Variants in DHX16 observed in about 807,000 individuals in gnomAD.
The protein encoded by DHX16 is pre-mRNA-splicing factor ATP-dependent RNA helicase DHX16.
In DHX16, 81 loss-of-function variants were observed where a neutral mutation model predicts 131.2. The observed-to-expected ratio is 0.62, with a 90% CI of 0.52 to 0.74. The LOEUF is 0.74. DHX16 is among the 30% of genes least tolerant of loss of function. The probability of loss-of-function intolerance (pLI) is 0.00; values close to 1 mark genes in which losing one functional copy is unlikely to be tolerated. For missense variants in DHX16, 980 were observed against 1,363.1 expected, an observed-to-expected ratio of 0.72 and a Z score of 4.43; for synonymous variants, 440 against 520.2, an observed-to-expected ratio of 0.85 and a Z score of 2.10.
At chr6:30,661,982 A>T (rs1246163279) in intron 9 of DHX16, 4 of 669,364 alleles carry the variant, frequency 6.0e-6, no homozygotes, top group Non-Finnish European at 1.1e-5. Flanking sequence ...CATATTGTTC[A>T]GCTGGCCTGA....
intron 4 of DHX16, among the ~76,000 whole-genome samples, chr6:30,667,954 C>G (rs537906964): frequency 6.6e-6 from 1 of 152,280 alleles, no homozygotes; most frequent in African/African-American, 2.4e-5. Context: ...AACTTAACAT[C>G]TAAGACCCAA....
chr6:30,659,789 G>A lies in DHX16; in HGVS notation c.1801C>T (p.Gln601Ter). The A allele has an allele frequency of 6.2e-7, 1 of 1,614,202 alleles. No individual in the cohort carries two copies. The highest frequency in any genetic ancestry group is 8.5e-7 in the Non-Finnish European group (1 of 1,180,034). ...YLEACVVSVL[Q>*]IHVTQPPGDI... ...CCAGGGGGCTGGGTCACATGGATCT[G>A]CAACACAGATACTACACAAGCTTCC... The change falls in exon 11 of 20, where the codon CAG becomes TAG. Residue 601 changes from glutamine (Q) to a stop codon, truncating the protein, a stop_gained. Coordinates refer to ENST00000376442, the MANE Select transcript of DHX16 (RefSeq NM_003587.5). LOFTEE classifies it high-confidence loss of function.
chr6:30,657,505 T>G (rs918370524), intron 12 of DHX16, among the ~76,000 whole-genome samples: 1 of 151,846 alleles, frequency 6.6e-6, no homozygotes, highest in African/African-American at 2.4e-5. Flanking sequence ...AATACAAACC[T>G]GTCACATCAC....
In DHX16 at chr6:30,670,321, C is replaced by T. The variant is rs1467474471; in HGVS notation, c.666+89G>A. On this transcript the variant is annotated intron_variant, in intron 4 of 19. Transcript: ENST00000376442. This position sits in a 1 kb window ranked among gnomAD's most constrained non-coding sequence, Gnocchi z 4.4. The stretch of plus-strand genomic sequence containing the variant: ...CCACCCCATCAGCATCCACACTGTG[C>T]TTCCTCTGTATCCTCTCTCCCTATA... The T allele has an allele frequency of 2.2e-6, 3 of 1,351,904 alleles. No homozygotes were observed. The highest frequency in any genetic ancestry group is 3.0e-6 in the Non-Finnish European group (3 of 986,006). 83.7% of individuals were successfully genotyped at this position (1,351,904 alleles called of 1,614,324 possible). A position where few individuals can be genotyped will look rare whatever the true frequency, so the allele number is the denominator to read the frequency against.
chr6:30,664,494 A>AAC (rs2127589113), intron 7 of DHX16, among the ~76,000 whole-genome samples: 1 of 151,960 alleles, frequency 6.6e-6, no homozygotes, highest in South Asian at 2.1e-4. Flanking sequence ...AAAAAAAAAA[A>AAC]ACTAACAAAA....
intron 4 of DHX16, among the ~76,000 whole-genome samples, chr6:30,666,740 G>A (rs976982300): frequency 6.6e-5 from 10 of 152,098 alleles, no homozygotes; most frequent in African/African-American, 9.7e-5. Flanking sequence ...CCCGGGAGAC[G>A]GAGGTTGCAG....
At chr6:30,658,150 A>T (rs970766446) in intron 12 of DHX16, among the ~76,000 whole-genome samples, 1 of 152,236 alleles carries the variant, frequency 6.6e-6, no homozygotes, top group Admixed American at 6.5e-5. Context: ...TCATGCCTGT[A>T]ACCCAGCACT....
chr6:30,666,087 G>A (rs1769018138), intron 4 of DHX16, among the ~76,000 whole-genome samples: 1 of 152,114 alleles, frequency 6.6e-6, no homozygotes, highest in Non-Finnish European at 1.5e-5. Context: ...AAAATAAAAG[G>A]CTAATCCAGC....
At position 30,671,024 on chromosome 6, in the gene DHX16, CTTCTGACTTACCCTGT is replaced by C; in HGVS notation, c.442_446+11del. 6.2e-7 allele frequency: 1 copy of C among 1,613,044 alleles called. No homozygotes were observed. ...GCCTGCCCCATCCTCTCTCACCCTGCTTCTGACTTACCCTGTTTTCTTCTTCCCTTTCTCAGAAGCC... is the reference window on the plus strand; with the variant it reads ...GCCTGCCCCATCCTCTCTCACCCTGCTTTCTTCTTCCCTTTCTCAGAAGCC... On this transcript the variant is annotated splice_donor_variant and splice_donor_5th_base_variant and coding_sequence_variant and intron_variant, in exon 2 of 20. Coordinates refer to ENST00000376442, the MANE Select transcript of DHX16 (RefSeq NM_003587.5). LOFTEE classifies it high-confidence loss of function.
In DHX16 at chr6:30,660,070, G is replaced by A; in HGVS notation, c.1717C>T (p.Pro573Ser). The change falls in exon 10 of 20, where the codon CCC (proline) becomes TCC (serine). Residue 573 changes from proline (P) to serine (S), a missense_variant. Pro to Ser is a moderately conservative substitution (Grantham distance 74). Transcript: ENST00000376442. ...FFDDAPVFRIPGRRFPVDIFY... is the reference protein window; with the variant it reads ...FFDDAPVFRISGRRFPVDIFY... ...ATGTCCACAGGAAACCTGCGTCCGG[G>A]GATTCGAAACACAGGGGCGTCATCA... The A allele has an allele frequency of 1.2e-6, 2 of 1,612,872 alleles. No individual in the cohort carries two copies. The highest frequency in any genetic ancestry group is 1.7e-6 in the Non-Finnish European group (2 of 1,179,932).
In DHX16 at chr6:30,653,158, T is replaced by G; in HGVS notation, c.*84A>C. On this transcript the variant is annotated 3_prime_UTR_variant, in exon 20 of 20. Transcript: ENST00000376442. ...TCCCAAATGTTCCCACAAGCTTTAT[T>G]CCAAAAATAATTTTATTTAATAGGT... 6.8e-7 allele frequency: 1 copy of G among 1,476,648 alleles called. No individual in the cohort carries two copies. Among genetic ancestry groups the G allele is most frequent in the Non-Finnish European group, 9.1e-7 (1 of 1,100,728 alleles). The allele number at this position is 1,476,648 out of a possible 1,614,324, so 91.5% of individuals were successfully genotyped here. A position where few individuals can be genotyped will look rare whatever the true frequency, so the allele number is the denominator to read the frequency against.
Position 30,660,073 on chromosome 6 carries a change from T to A in DHX16, c.1714A>T (p.Ile572Phe). The change falls in exon 10 of 20, where the codon ATC (isoleucine) becomes TTC (phenylalanine). Residue 572 changes from isoleucine to phenylalanine, a missense_variant. Coordinates refer to ENST00000376442, the MANE Select transcript of DHX16 (RefSeq NM_003587.5). ...TFFDDAPVFR[I>F]PGRRFPVDIF... is the part of the protein sequence containing the mutation. Reference sequence around the variant, plus strand: ...TCCACAGGAAACCTGCGTCCGGGGATTCGAAACACAGGGGCGTCATCAAAG... The same window carrying A: ...TCCACAGGAAACCTGCGTCCGGGGAATCGAAACACAGGGGCGTCATCAAAG... The A allele has an allele frequency of 6.2e-7, 1 of 1,612,800 alleles. No homozygotes were observed. Among genetic ancestry groups the A allele is most frequent in the Non-Finnish European group, 8.5e-7 (1 of 1,179,904 alleles).
rs749651409 is a variant in DHX16 at position 30,662,939 on chromosome 6, C to T, written c.1400G>A (p.Arg467Gln). ...ATTCCCAAGCTTCACACCCATCTCC[C>T]GGGCCACTCGGGCGGCCACACTCAT... is the stretch of plus-strand genomic sequence containing the variant. Reference protein sequence around the residue: ...AAMSVAARVAREMGVKLGNEV... With the variant: ...AAMSVAARVAQEMGVKLGNEV... Residue 467 changes from arginine (R) to glutamine (Q), a missense_variant, in exon 8 of 20, where the codon CGG becomes CAG. Arg to Gln is a conservative substitution (Grantham distance 43). Around this residue, in one of 3 missense-constraint regions of DHX16, gnomAD observed 309 missense variants for 537.1 expected, o/e 0.58. Coordinates refer to ENST00000376442, the MANE Select transcript of DHX16 (RefSeq NM_003587.5). This position sits in a 1 kb window ranked among gnomAD's most constrained non-coding sequence, Gnocchi z 4.7. 9 of 1,613,252 alleles carry T rather than the reference C, an allele frequency of 5.6e-6. No individual in the cohort carries two copies. The highest frequency in any genetic ancestry group is 2.2e-5 in the East Asian group (1 of 44,884).
intron 7 of DHX16, among the ~76,000 whole-genome samples, chr6:30,664,533 G>GT (rs1326504009): frequency 2.0e-5 from 3 of 150,840 alleles, no homozygotes; most frequent in African/African-American, 4.9e-5. Context: ...TTAACTCCTT[G>GT]TTTTTTGGCC....
intron 9 of DHX16, 106 bp from the exon 10 acceptor site, chr6:30,660,348 G>T (rs1325944322): frequency 3.2e-6 from 3 of 939,864 alleles, no homozygotes; most frequent in South Asian, 2.4e-5. Context: ...AAGAGTTCAA[G>T]AATGACTGTT....
chr6:30,659,731 G>A lies in DHX16; in HGVS notation c.1854+5C>T, dbSNP rs1386362182. The A allele has an allele frequency of 6.2e-7, 1 of 1,613,742 alleles. No individual in the cohort carries two copies. Among genetic ancestry groups the A allele is most frequent in the Non-Finnish European group, 8.5e-7 (1 of 1,179,886 alleles). On this transcript the variant is annotated splice_donor_5th_base_variant and intron_variant, in intron 11 of 19. Transcript: ENST00000376442. Reference sequence around the variant, plus strand: ...ATCATCCCCTCTCCCCACCATGTCAGGCACCTGTCCTGTCAGGAACACCAG... The same window carrying A: ...ATCATCCCCTCTCCCCACCATGTCAAGCACCTGTCCTGTCAGGAACACCAG...
chr6:30,661,920 C>A, intron 9 of DHX16: 1 of 714,796 alleles, frequency 1.4e-6, no homozygotes, highest in Non-Finnish European at 2.6e-6. Flanking sequence ...AATTGCTCCA[C>A]TGTGATCTTC....
In DHX16 at chr6:30,673,006, C is replaced by T. The variant is rs1177310541; in HGVS notation, c.-165G>A. The stretch of plus-strand genomic sequence containing the variant: ...ATCCCAAAGCTGTCTTCCCGTACCG[C>T]GGAGCCCGGAAGGGGCTGTACTTTT... On this transcript the variant is annotated 5_prime_UTR_variant, in exon 1 of 20. Transcript: ENST00000376442. 3.0e-5 allele frequency: 46 copies of T among 1,549,606 alleles called. No homozygotes were observed. Among genetic ancestry groups the T allele is most frequent in the Non-Finnish European group, 4.0e-5 (46 of 1,145,894 alleles).
At chr6:30,655,051 A>G in intron 18 of DHX16, 124 bp downstream of exon 18, 1 of 1,434,994 alleles carries the variant, frequency 7.0e-7, no homozygotes. Context: ...CCCTGGGAGG[A>G]CACGTCATAC....
Sources: allele counts gnomAD v4.1 joint callset (sites outside exome capture counted in the v4.1 genomes callset), GRCh38; gene constraint gnomAD v4.1.1; regional missense constraint gnomAD v4.1.1; non-coding constraint Gnocchi (gnomAD v3.1); transcripts MANE v1.5; gene names NCBI Gene and HGNC (gene_info 2026-07-23, HGNC 2026-07-21).